Variants in DNAH10 observed in about 807,000 individuals in gnomAD.
The protein encoded by DNAH10 is axonemal beta dynein heavy chain 10.
A neutral mutation model predicts 506.6 loss-of-function variants in DNAH10; 348 were observed. The observed-to-expected ratio is 0.69, with a 90% CI of 0.63 to 0.75. The LOEUF is 0.75. Among genes scored for constraint, DNAH10 ranks in the 30% least tolerant of loss-of-function variants. The probability of loss-of-function intolerance (pLI) is 0.00; values close to 1 mark genes in which losing one functional copy is unlikely to be tolerated. For synonymous variants in DNAH10, 2,059 were observed against 2,198.6 expected (o/e 0.94, Z 1.78); for missense variants, 5,179 against 5,787.1 (o/e 0.89, Z 3.41).
At position 123,902,892 on chromosome 12, in the gene DNAH10, A is replaced by G. The variant is rs142508716; in HGVS notation, c.9641-47A>G. ...TGCTCAGAGCCGGGGCCGCGAGTGC[A>G]TCTCCTCTGAGCCCAAGCTTTACTC... On this transcript the variant is annotated intron_variant, in intron 56 of 78. Transcript: ENST00000673944. This position sits in a 1 kb window ranked among gnomAD's most constrained non-coding sequence, Gnocchi z 4.5. 1.3e-4 allele frequency: 204 copies of G among 1,536,152 alleles called. No homozygotes were observed. In the African/African-American group the frequency reaches 2.1e-3, roughly 16 times the overall value.
intron 47 of DNAH10, among the ~76,000 whole-genome samples, chr12:123,877,239 T>G (rs1484181775): frequency 6.6e-6 from 1 of 152,192 alleles, no homozygotes; most frequent in East Asian, 1.9e-4. Flanking sequence ...TGTGCCTGGC[T>G]TGCTTCACTC....
chr12:123,769,601 G>A (rs1957173948), intron 2 of DNAH10, among the ~76,000 whole-genome samples: 1 of 152,198 alleles, frequency 6.6e-6, no homozygotes, highest in African/African-American at 2.4e-5. Flanking sequence ...GGTTTGGGAA[G>A]GAAGAGCTGT....
In DNAH10 at chr12:123,785,666, C is replaced by G. The variant is rs1957821468; in HGVS notation, c.1231-80C>G. ...AAAAAAAAAAAAAAGAGTGAAACTT[C>G]TTGCATGCTTACTGTTTTATGAAAC... On this transcript the variant is annotated intron_variant, in intron 8 of 78. Coordinates refer to ENST00000673944, the MANE Select transcript of DNAH10 (RefSeq NM_001372106.1). The surrounding 1 kb of genome is among the most constrained non-coding windows in gnomAD (Gnocchi z 4.1). 11 of 1,040,718 alleles carry G rather than the reference C, an allele frequency of 1.1e-5. No homozygotes were observed. Among genetic ancestry groups the G allele is most frequent in the South Asian group, 2.6e-5 (1 of 38,396 alleles). The allele number at this position is 1,040,718 out of a possible 1,614,324, so 64.5% of individuals were successfully genotyped here.
At chr12:123,867,694 G>C (rs545844286) in intron 42 of DNAH10, 93 bp downstream of exon 42, 21 of 1,547,770 alleles carry the variant, frequency 1.4e-5, no homozygotes, top group African/African-American at 5.5e-5. Flanking sequence ...TGCCAGACAG[G>C]GTGAACAGTA....
intron 34 of DNAH10, 30 bp downstream of exon 34, chr12:123,848,912 T>A: frequency 1.9e-6 from 3 of 1,609,542 alleles, no homozygotes; most frequent in Non-Finnish European, 2.5e-6. Context: ...CGGGACCATG[T>A]CCCTAGGATG....
At chr12:123,861,576 T>C (rs1951614140) in intron 39 of DNAH10, among the ~76,000 whole-genome samples, 1 of 152,222 alleles carries the variant, frequency 6.6e-6, no homozygotes, top group African/African-American at 2.4e-5. Context: ...CCATGGAAAG[T>C]GCAGGAATGC....
In DNAH10 at chr12:123,915,144, C is replaced by T. The variant is rs768328593; in HGVS notation, c.10722+145C>T. 14 of 1,190,182 alleles carry T rather than the reference C, an allele frequency of 1.2e-5. No individual in the cohort carries two copies. The South Asian group carries it at 2.0e-4, about 17-fold the overall frequency. The allele number at this position is 1,190,182 out of a possible 1,614,324, so 73.7% of individuals were successfully genotyped here. On this transcript the variant is annotated intron_variant, in intron 62 of 78. Coordinates refer to ENST00000673944, the MANE Select transcript of DNAH10 (RefSeq NM_001372106.1). ...ATCCTGACCCCCATGCGGAGCCCTC[C>T]CCCGGCTCCGCCTCCGCCTCCACCC... is the stretch of plus-strand genomic sequence containing the variant.
chr12:123,870,713 C>T (rs1209957755), intron 44 of DNAH10, among the ~76,000 whole-genome samples: 2 of 152,146 alleles, frequency 1.3e-5, no homozygotes, highest in Non-Finnish European at 2.9e-5. Context: ...CTCTGCCTCT[C>T]AGCTCTTTCC....
intron 66 of DNAH10, 181 bp from the exon 67 acceptor site, chr12:123,924,097 T>C: frequency 1.2e-6 from 1 of 841,864 alleles, no homozygotes; most frequent in Non-Finnish European, 1.8e-6. Context: ...GGAAGCTGGA[T>C]GCTGCACTGA....
At chr12:123,922,143 G>C (rs1443746643) in intron 65 of DNAH10, among the ~76,000 whole-genome samples, 2 of 152,014 alleles carry the variant, frequency 1.3e-5, no homozygotes, top group Non-Finnish European at 2.9e-5. Flanking sequence ...GGGCCGCCAG[G>C]GCGGGCGGAT....
In DNAH10 at chr12:123,853,173, T is replaced by C. The variant is rs1196240168; in HGVS notation, c.6292-33T>C. On this transcript the variant is annotated intron_variant, in intron 35 of 78. Transcript: ENST00000673944. This position sits in a 1 kb window ranked among gnomAD's most constrained non-coding sequence, Gnocchi z 4.7. Reference sequence around the variant, plus strand: ...TGCTTTTGAATCATTTTCTTTTTTCTTTTTTTTTGTATTATTATCTTCTAT... The same window carrying C: ...TGCTTTTGAATCATTTTCTTTTTTCCTTTTTTTTGTATTATTATCTTCTAT... 4 of 1,450,610 alleles carry C rather than the reference T, an allele frequency of 2.8e-6. No homozygotes were observed. The South Asian group carries it at 5.8e-5, about 21-fold the overall frequency. The allele number at this position is 1,450,610 out of a possible 1,614,324, so 89.9% of individuals were successfully genotyped here.
chr12:123,927,918 A>C, intron 69 of DNAH10: 1 of 168,658 alleles, frequency 5.9e-6, no homozygotes, highest in Non-Finnish European at 1.3e-5. Context: ...TCAGAAAGCA[A>C]GGCTTGATTT....
intron 78 of DNAH10, 23 bp from the exon 79 acceptor site, chr12:123,935,312 T>A (rs1334456308): frequency 6.3e-7 from 1 of 1,592,488 alleles, no homozygotes; most frequent in Admixed American, 1.7e-5. Context: ...CGTGGGGGCA[T>A]CTCACCTGCC....
Position 123,865,992 on chromosome 12 carries a change from A to G in DNAH10, c.7086A>G (p.Arg2362=). ...LQYASPATVS[R]CGMVYVDPKN... is the part of the protein sequence containing the mutation. Reference sequence around the variant, plus strand: ...ATGCCTCCCCTGCAACTGTCTCTCGATGTGGAATGGTTTATGTGGATCCTA... The same window carrying G: ...ATGCCTCCCCTGCAACTGTCTCTCGGTGTGGAATGGTTTATGTGGATCCTA... Residue 2362 remains arginine (R), a synonymous_variant, in exon 41 of 79, where the codon CGA becomes CGG. Transcript: ENST00000673944. 1 of 1,610,950 alleles carries G rather than the reference A, an allele frequency of 6.2e-7. No homozygotes were observed. Among genetic ancestry groups the G allele is most frequent in the Non-Finnish European group, 8.5e-7 (1 of 1,179,104 alleles).
chr12:123,788,064 G>C (rs1957932718), intron 10 of DNAH10, 62 bp downstream of exon 10: 1 of 1,536,354 alleles, frequency 6.5e-7, no homozygotes, highest in African/African-American at 1.4e-5. Context: ...TTTTGACAGT[G>C]GCCCCCTCCG....
Position 123,813,272 on chromosome 12 carries a change from C to G in DNAH10, c.3253C>G (p.Gln1085Glu). 1 of 1,614,162 alleles carries G rather than the reference C, an allele frequency of 6.2e-7. No homozygotes were observed. Among genetic ancestry groups the G allele is most frequent in the Non-Finnish European group, 8.5e-7 (1 of 1,180,018 alleles). Residue 1085 changes from glutamine (Q) to glutamate (E), a missense_variant, in exon 20 of 79, where the codon CAG (glutamine) becomes GAG (glutamate). By Grantham distance (29) the Gln-to-Glu change is conservative (BLOSUM62 2). Transcript: ENST00000673944. ...NFYNDISLNP[Q>E]IIEQAVMIPQ... ...TTACAATGATATCTCTCTGAACCCT[C>G]AGATAATTGAACAAGCTGTTATGAT... is the stretch of plus-strand genomic sequence containing the variant.
rs565436563 is a variant in DNAH10, at chr12:123,859,409, G to A, written c.6749+141G>A. ...TAATACACACCCCTTTCGACTCAGCGTGTTTTTACTGACTTTATTGCAGAC... is the reference window on the plus strand; with the variant it reads ...TAATACACACCCCTTTCGACTCAGCATGTTTTTACTGACTTTATTGCAGAC... On this transcript the variant is annotated intron_variant, in intron 38 of 78. Transcript: ENST00000673944. 6.4e-5 allele frequency: 41 copies of A among 637,240 alleles called. No individual in the cohort carries two copies. The African/African-American group carries it at 6.9e-4, about 11-fold the overall frequency. The allele number at this position is 637,240 out of a possible 1,614,324, so 39.5% of individuals were successfully genotyped here.
At chr12:123,901,456 G>T (rs1411511466) in intron 56 of DNAH10, among the ~76,000 whole-genome samples, 1 of 152,174 alleles carries the variant, frequency 6.6e-6, no homozygotes, top group Admixed American at 6.5e-5. Context: ...CAAGGCCCGT[G>T]CACGGCTTTG....
At chr12:123,807,854 C>G (rs1329156060) in intron 18 of DNAH10, among the ~76,000 whole-genome samples, 2 of 4,028 alleles carry the variant, frequency 5.0e-4, no homozygotes, top group Non-Finnish European at 9.0e-4. Flanking sequence ...AAGGGAGAAG[C>G]CTGGAGAGGG....
Sources: gnomAD v4.1 joint callset for allele counts (sites outside exome capture counted in the v4.1 genomes callset) on GRCh38, gnomAD v4.1.1 for gene constraint, Gnocchi (gnomAD v3.1) non-coding constraint, MANE v1.5 for transcripts, NCBI Gene and HGNC (gene_info 2026-07-23, HGNC 2026-07-21) for gene names.